SERGEF: variants seen among roughly 807,000 people sequenced by gnomAD.
SERGEF encodes secretion regulating guanine nucleotide exchange factor.
SERGEF carries 51 observed loss-of-function variants against 50.0 expected under a neutral mutation model. The observed-to-expected ratio is 1.02, with a 90% confidence interval of 0.81 to 1.29. SERGEF has a LOEUF of 1.29. Ranked by LOEUF, SERGEF falls within the 50% of genes most tolerant of loss-of-function variation. The probability of loss-of-function intolerance (pLI) is 0.00; values close to 1 mark genes in which losing one functional copy is unlikely to be tolerated. For synonymous variants in SERGEF, 205 were observed against 212.4 expected (o/e 0.97, Z 0.30); for missense variants, 521 against 557.0 (o/e 0.94, Z 0.65).
At chr11:17,978,178 T>TTAC (rs1215796454) in intron 8 of SERGEF, among the ~76,000 whole-genome samples, 4 of 152,128 alleles carry the variant, frequency 2.6e-5, no homozygotes, top group African/African-American at 9.7e-5. Flanking sequence ...TACAGCAGTA[T>TTAC]TACCCTCAGG....
intron 4 of SERGEF, among the ~76,000 whole-genome samples, chr11:18,002,799 T>C (rs1172705635): frequency 6.6e-6 from 1 of 152,254 alleles, no homozygotes; most frequent in Non-Finnish European, 1.5e-5. Context: ...ACATAGTACC[T>C]ACACATAATG....
At chr11:17,893,514 A>G (rs1231287872) in intron 9 of SERGEF, among the ~76,000 whole-genome samples, 2 of 152,128 alleles carry the variant, frequency 1.3e-5, no homozygotes, top group Non-Finnish European at 2.9e-5. Flanking sequence ...CCTCTGGAAA[A>G]CATCTTTATA....
chr11:18,006,260 G>A (rs1302848434), intron 3 of SERGEF, among the ~76,000 whole-genome samples: 1 of 152,220 alleles, frequency 6.6e-6, no homozygotes, highest in African/African-American at 2.4e-5. Context: ...CCAGGATCAA[G>A]TGATTCGCCT....
intron 9 of SERGEF, among the ~76,000 whole-genome samples, chr11:17,910,165 C>T (rs1282185304): frequency 7.0e-6 from 1 of 142,334 alleles, no homozygotes; most frequent in Non-Finnish European, 1.5e-5. Context: ...GAACCATTTG[C>T]CACCTACACA....
At chr11:17,938,123 G>A (rs1318272175) in intron 9 of SERGEF, among the ~76,000 whole-genome samples, 1 of 152,172 alleles carries the variant, frequency 6.6e-6, no homozygotes, top group South Asian at 2.1e-4. Flanking sequence ...CTCTGCTACT[G>A]GTTCTAGGAC....
chr11:17,964,985 G>C (rs1853087680), intron 8 of SERGEF, among the ~76,000 whole-genome samples: 2 of 152,204 alleles, frequency 1.3e-5, no homozygotes, highest in African/African-American at 4.8e-5. Context: ...CAGAGCACAG[G>C]TGCTGGAAGC....
At chr11:17,800,567 C>T (rs1193569956) in intron 10 of SERGEF, among the ~76,000 whole-genome samples, 2 of 152,100 alleles carry the variant, frequency 1.3e-5, no homozygotes, top group Non-Finnish European at 2.9e-5. Context: ...ACACAAGGTC[C>T]CTGTCCTCAA....
intron 9 of SERGEF, among the ~76,000 whole-genome samples, chr11:17,920,277 C>G (rs1852130034): frequency 1.3e-5 from 2 of 152,010 alleles, no homozygotes; most frequent in Admixed American, 6.6e-5. Flanking sequence ...AACAGCAACT[C>G]ACACTTTCCC....
chr11:17,941,136 T>A (rs1852555414), intron 9 of SERGEF, among the ~76,000 whole-genome samples: 1 of 152,256 alleles, frequency 6.6e-6, no homozygotes, highest in South Asian at 2.1e-4. Flanking sequence ...CCAATCTTTT[T>A]AAATGTATTT....
In SERGEF at chr11:17,995,915, C is replaced by G. The variant is rs187240129; in HGVS notation, c.509-6G>C. 9.2e-5 allele frequency: 148 copies of G among 1,602,598 alleles called. No homozygotes were observed. The Middle Eastern group carries it at 2.5e-3, about 27-fold the overall frequency. ...CTGGAACACGATGCCACTCGCTTCC[C>G]AACAGAATGGAAGAGAAAGCAGAGA... On this transcript the variant is annotated splice_polypyrimidine_tract_variant and splice_region_variant and intron_variant, in intron 5 of 10. Transcript: ENST00000265965.
At chr11:17,796,249 A>AGAGAATGGCCAT (rs1466093997) in intron 10 of SERGEF, among the ~76,000 whole-genome samples, 9 of 152,236 alleles carry the variant, frequency 5.9e-5, no homozygotes, top group Non-Finnish European at 1.2e-4. Flanking sequence ...GAGGCCATGC[A>AGAGAATGGCCAT]GAGAATGGCC....
chr11:17,847,528 G>T lies in SERGEF; in HGVS notation c.1048+30680C>A, dbSNP rs192060463. Among the ~76,000 whole-genome samples, 609 of 152,312 alleles carry T rather than the reference G, an allele frequency of 4.0e-3. 2 individuals carry two copies. The highest frequency in any genetic ancestry group is 0.014 in the African/African-American group (580 of 41,566). On this transcript the variant is annotated intron_variant, in intron 10 of 10. Transcript: ENST00000265965. ...TGGAGAAAATAAAACTGACCTTAAA[G>T]TATGATTGTATAGATATTTTAAAAC...
chr11:17,853,241 ACAAT>A (rs1850746032), intron 10 of SERGEF, among the ~76,000 whole-genome samples: 1 of 152,174 alleles, frequency 6.6e-6, no homozygotes, highest in Middle Eastern at 3.2e-3. Context: ...GCCAAGGCAA[ACAAT>A]CAGTAAGTGT....
In SERGEF at chr11:17,788,410, C is replaced by G. The variant is rs1310123815; in HGVS notation, c.1052G>C (p.Gly351Ala). The G allele has an allele frequency of 6.2e-7, 1 of 1,600,070 alleles. No individual in the cohort carries two copies. Among genetic ancestry groups the G allele is most frequent in the Admixed American group, 1.7e-5 (1 of 59,372 alleles). The change falls in exon 11 of 11, where the codon GGA (glycine) becomes GCA (alanine). Residue 351 changes from glycine to alanine, a missense_variant. Physicochemically the swap from Gly to Ala is moderately conservative, Grantham distance 60. Coordinates refer to ENST00000265965, the MANE Select transcript of SERGEF (RefSeq NM_012139.4). The part of the protein sequence containing the change: ...GSEHNLAIIG[G>A]VCYSWGWNEH... ...ATTCCAGCCCCAAGAGTAACACACT[C>G]CACCTGTGAAGGAGAGGGAAGACTG...
At chr11:17,868,398 C>T (rs1012287802) in intron 10 of SERGEF, among the ~76,000 whole-genome samples, 6 of 152,192 alleles carry the variant, frequency 3.9e-5, no homozygotes, top group African/African-American at 7.2e-5. Flanking sequence ...CCAACAAGTT[C>T]CTCATCTCCA....
chr11:17,902,381 C>A (rs1201356500), intron 9 of SERGEF, among the ~76,000 whole-genome samples: 1 of 152,178 alleles, frequency 6.6e-6, no homozygotes, highest in African/African-American at 2.4e-5. Context: ...AGGGCGCAGA[C>A]ACCCGGCTAT....
intron 10 of SERGEF, among the ~76,000 whole-genome samples, chr11:17,867,436 G>C (rs1250784047): frequency 6.6e-6 from 1 of 152,258 alleles, no homozygotes; most frequent in African/African-American, 2.4e-5. Flanking sequence ...TAACAGGTGG[G>C]TTCCCATGGT....
At chr11:18,009,594 T>C (rs1396091104) in intron 1 of SERGEF, among the ~76,000 whole-genome samples, 1 of 152,210 alleles carries the variant, frequency 6.6e-6, no homozygotes, top group African/African-American at 2.4e-5. Flanking sequence ...ATTATTTCAT[T>C]TGTACAGTGA....
chr11:17,964,205 T>C (rs1364210494), intron 8 of SERGEF, among the ~76,000 whole-genome samples: 2 of 152,000 alleles, frequency 1.3e-5, no homozygotes, highest in Non-Finnish European at 2.9e-5. Context: ...TTGGCAAACA[T>C]GTTATCAAAT....
Sources: gnomAD v4.1 joint callset for allele counts (sites outside exome capture counted in the v4.1 genomes callset) on GRCh38, gnomAD v4.1.1 for gene constraint, MANE v1.5 for transcripts, NCBI Gene and HGNC (gene_info 2026-07-23, HGNC 2026-07-21) for gene names.